IRF2: variants seen among roughly 807,000 people sequenced by gnomAD.
The protein encoded by IRF2 is interferon regulatory factor 2.
In IRF2, 15 loss-of-function variants were observed where a neutral mutation model predicts 40.6. That is an observed-to-expected ratio of 0.37 (90% confidence interval 0.25 to 0.57). The LOEUF (loss-of-function observed/expected upper bound fraction) is 0.57. Among genes scored for constraint, IRF2 ranks in the 20% least tolerant of loss-of-function variants. The pLI is 0.77. For missense variants in IRF2, 317 were observed against 455.7 expected (o/e 0.70, Z 2.77); for synonymous variants, 151 against 165.5 (o/e 0.91, Z 0.67).
At chr4:184,466,774 C>A (rs1461885117) in intron 1 of IRF2, among the ~76,000 whole-genome samples, 2 of 152,204 alleles carry the variant, frequency 1.3e-5, no homozygotes, top group Non-Finnish European at 2.9e-5. Context: ...ACAGAGTGTA[C>A]TTACACAAAC....
chr4:184,399,591 A>T (rs867801257), intron 6 of IRF2, among the ~76,000 whole-genome samples: 1 of 152,216 alleles, frequency 6.6e-6, no homozygotes, highest in African/African-American at 2.4e-5. Flanking sequence ...AGCTGTGTGA[A>T]TGTTTGTGTT....
At chr4:184,409,485 C>T (rs1376085970) in intron 5 of IRF2, among the ~76,000 whole-genome samples, 4 of 152,196 alleles carry the variant, frequency 2.6e-5, no homozygotes, top group African/African-American at 4.8e-5. Flanking sequence ...CCAGATGTCC[C>T]GAAGGTCCAG....
intron 5 of IRF2, among the ~76,000 whole-genome samples, chr4:184,414,546 C>A (rs532740230): frequency 6.6e-6 from 1 of 152,202 alleles, no homozygotes; most frequent in East Asian, 1.9e-4. Context: ...CAGTTACCGC[C>A]GCACAGGTGG....
At chr4:184,438,903 G>A (rs540008463) in intron 1 of IRF2, among the ~76,000 whole-genome samples, 1 of 152,256 alleles carries the variant, frequency 6.6e-6, no homozygotes, top group African/African-American at 2.4e-5. Context: ...CTCCTGCTCT[G>A]CCTGCGACAT....
intron 1 of IRF2, among the ~76,000 whole-genome samples, chr4:184,471,137 T>G (rs953625995): frequency 1.3e-5 from 2 of 152,230 alleles, no homozygotes; most frequent in Non-Finnish European, 2.9e-5. Context: ...TAATCTGATA[T>G]AATTTTGAAA....
chr4:184,403,421 CAAAG>C (rs1736739394), intron 6 of IRF2, among the ~76,000 whole-genome samples: 1 of 152,168 alleles, frequency 6.6e-6, no homozygotes, highest in Admixed American at 6.5e-5. Context: ...CTCTGGGTAC[CAAAG>C]AGTGTCCTGA....
chr4:184,456,565 C>CT (rs1738942107), intron 1 of IRF2, among the ~76,000 whole-genome samples: 1 of 152,258 alleles, frequency 6.6e-6, no homozygotes, highest in Non-Finnish European at 1.5e-5. Flanking sequence ...TCCCTGCCGA[C>CT]TGAGCGGAGG....
chr4:184,418,543 G>A lies in IRF2; in HGVS notation c.353C>T (p.Pro118Leu). The A allele has an allele frequency of 6.2e-7, 1 of 1,614,070 alleles. No individual in the cohort carries two copies. The highest frequency in any genetic ancestry group is 8.5e-7 in the Non-Finnish European group (1 of 1,179,964). ...VYRMLPLSER[P>L]SKKGKKPKTE... ...GTAAATGCCTTTACCTTTCTTAGAA[G>A]GCCGTTCTGATAGGGGCAGCATTCG... Residue 118 changes from proline to leucine, a missense_variant, in exon 4 of 9, where the codon CCT becomes CTT. This residue lies in a region of IRF2 where 262 missense variants were observed against 334.0 expected (regional missense o/e 0.78). Transcript: ENST00000393593.
chr4:184,461,683 C>G (rs1360025548), intron 1 of IRF2, among the ~76,000 whole-genome samples: 2 of 67,892 alleles, frequency 2.9e-5, no homozygotes, highest in African/African-American at 2.0e-4. Flanking sequence ...CTCCTCTACC[C>G]GCCCCCCCAC....
intron 1 of IRF2, among the ~76,000 whole-genome samples, chr4:184,432,513 G>A (rs1033925643): frequency 6.6e-6 from 1 of 152,220 alleles, no homozygotes; most frequent in Non-Finnish European, 1.5e-5. Flanking sequence ...ACGTATATTA[G>A]ATAAGCTTTG....
intron 6 of IRF2, among the ~76,000 whole-genome samples, chr4:184,401,170 G>A (rs748709631): frequency 5.3e-5 from 8 of 152,240 alleles, no homozygotes; most frequent in Non-Finnish European, 1.2e-4. Flanking sequence ...TCCTTGAGAC[G>A]CCAGGCGTCA....
chr4:184,432,549 A>C (rs564751821), intron 1 of IRF2, among the ~76,000 whole-genome samples: 1 of 152,366 alleles, frequency 6.6e-6, no homozygotes, highest in East Asian at 1.9e-4. Flanking sequence ...TAGTGCTGTG[A>C]GTTCAATGCT....
At chr4:184,466,312 A>T (rs919621066) in intron 1 of IRF2, among the ~76,000 whole-genome samples, 1 of 152,002 alleles carries the variant, frequency 6.6e-6, no homozygotes, top group South Asian at 2.1e-4. Context: ...CGGCCTCCCA[A>T]AGTGCTGGGA....
In IRF2 at chr4:184,419,522, C is replaced by G; in HGVS notation, c.134G>C (p.Gly45Ala). The G allele has an allele frequency of 6.2e-7, 1 of 1,609,428 alleles. No individual in the cohort carries two copies. Among genetic ancestry groups the G allele is most frequent in the Non-Finnish European group, 8.5e-7 (1 of 1,177,944 alleles). The change falls in exon 3 of 9, where the codon GGG (glycine) becomes GCG (alanine). Residue 45 changes from glycine to alanine, a missense_variant. Coordinates refer to ENST00000393593, the MANE Select transcript of IRF2 (RefSeq NM_002199.4). ...QIPWMHAARH[G>A]WDVEKDAPLF... Reference sequence around the variant, plus strand: ...TGGTGCATCTTTTTCCACATCCCACCCATGTCTAGCCGCATGCATCCAGGG... The same window carrying G: ...TGGTGCATCTTTTTCCACATCCCACGCATGTCTAGCCGCATGCATCCAGGG...
chr4:184,411,885 C>T (rs1737086968), intron 5 of IRF2, among the ~76,000 whole-genome samples: 1 of 151,770 alleles, frequency 6.6e-6, no homozygotes, highest in South Asian at 2.1e-4. Flanking sequence ...CCGGTTAATC[C>T]TGGTCAGGAT....
At chr4:184,455,266 CCTCT>C (rs1317111149) in intron 1 of IRF2, among the ~76,000 whole-genome samples, 13 of 108,974 alleles carry the variant, frequency 1.2e-4, no homozygotes, top group Admixed American at 2.0e-4. Flanking sequence ...CCCTTCCCTC[CCTCT>C]CCCTCCCCTC....
chr4:184,419,762 C>T (rs573760048), intron 2 of IRF2, among the ~76,000 whole-genome samples, 194 bp from the exon 3 acceptor site: 3 of 152,286 alleles, frequency 2.0e-5, no homozygotes, highest in Admixed American at 6.5e-5. Context: ...TAGACTACCC[C>T]GAGTGACAGT....
At chr4:184,464,005 C>T (rs867176900) in intron 1 of IRF2, among the ~76,000 whole-genome samples, 11 of 151,846 alleles carry the variant, frequency 7.2e-5, no homozygotes, top group Admixed American at 2.6e-4. Context: ...GTATAGGACA[C>T]GAAGATAGGG....
At chr4:184,398,795 G>A in intron 7 of IRF2, 120 bp downstream of exon 7, 1 of 797,608 alleles carries the variant, frequency 1.3e-6, no homozygotes, top group Non-Finnish European at 1.9e-6. Context: ...AAAAACTCCA[G>A]GGAGAATAAC....
Sources: gnomAD v4.1 joint callset for allele counts (sites outside exome capture counted in the v4.1 genomes callset) on GRCh38, gnomAD v4.1.1 for gene constraint, gnomAD v4.1.1 regional missense constraint, MANE v1.5 for transcripts, NCBI Gene and HGNC (gene_info 2026-07-23, HGNC 2026-07-21) for gene names.